RBFOX1: variants seen among roughly 807,000 people sequenced by gnomAD.
The protein encoded by RBFOX1 is RNA binding protein fox-1 homolog 1.
A neutral mutation model predicts 57.7 loss-of-function variants in RBFOX1; 8 were observed. The observed-to-expected ratio is 0.14, with a 90% CI of 0.08 to 0.25. The LOEUF (loss-of-function observed/expected upper bound fraction) is 0.25. Among genes scored for constraint, RBFOX1 ranks in the 10% least tolerant of loss-of-function variants. The pLI is 1.00. For synonymous variants in RBFOX1, 326 were observed against 222.4 expected, an observed-to-expected ratio of 1.47 and a Z score of -4.15; for missense variants, 611 against 548.5, an observed-to-expected ratio of 1.11 and a Z score of -1.14.
intron 3 of RBFOX1, among the ~76,000 whole-genome samples, chr16:6,755,438 T>A (rs2075636389): frequency 6.6e-6 from 1 of 152,246 alleles, no homozygotes; most frequent in Non-Finnish European, 1.5e-5. Flanking sequence ...TTGATTTGCA[T>A]TTCTCTGATG....
At chr16:7,474,850 T>G (rs1209281128) in intron 4 of RBFOX1, among the ~76,000 whole-genome samples, 1 of 152,244 alleles carries the variant, frequency 6.6e-6, no homozygotes, top group African/African-American at 2.4e-5. Context: ...GTGTGTTGGC[T>G]GTTACTGTGA....
At chr16:6,074,036 C>A (rs994737872) in intron 1 of RBFOX1, among the ~76,000 whole-genome samples, 3 of 152,072 alleles carry the variant, frequency 2.0e-5, no homozygotes, top group African/African-American at 7.2e-5. Context: ...GCAAGCTCCA[C>A]CTCCTGGGTC....
At chr16:7,218,807 C>G (rs1049522386) in intron 4 of RBFOX1, among the ~76,000 whole-genome samples, 1 of 151,764 alleles carries the variant, frequency 6.6e-6, no homozygotes. Flanking sequence ...CAATCAGGAA[C>G]CTGTCTAGAA....
chr16:7,448,655 A>G (rs10221098), intron 4 of RBFOX1, among the ~76,000 whole-genome samples: 76,222 of 151,930 alleles, frequency 0.5, 19,364 homozygotes, highest in Middle Eastern at 0.62. Context: ...GTAGCAAAGG[A>G]TTTGTTCTTT....
At chr16:6,536,756 T>C (rs553474708) in intron 2 of RBFOX1, among the ~76,000 whole-genome samples, 4 of 152,218 alleles carry the variant, frequency 2.6e-5, no homozygotes, top group South Asian at 2.1e-4. Context: ...TTTTAAAAGA[T>C]TAAAGAGAGA....
intron 1 of RBFOX1, among the ~76,000 whole-genome samples, chr16:5,246,015 C>T (rs1032703711): frequency 3.3e-5 from 5 of 152,154 alleles, no homozygotes; most frequent in Middle Eastern, 3.4e-3. Flanking sequence ...AGGCCGAGGC[C>T]GTCGGATCAC....
chr16:6,575,986 A>G (rs144163236), intron 2 of RBFOX1, among the ~76,000 whole-genome samples: 241 of 152,188 alleles, frequency 1.6e-3, no homozygotes, highest in African/African-American at 2.4e-3. Context: ...TCAAAAAATA[A>G]TTTTTTATTT....
intron 2 of RBFOX1, among the ~76,000 whole-genome samples, chr16:5,546,285 A>G (rs1255109528): frequency 6.6e-6 from 1 of 151,842 alleles, no homozygotes; most frequent in Non-Finnish European, 1.5e-5. Context: ...CCAGAATCTC[A>G]TCTAGGCTTT....
chr16:6,993,572 AAG>A (rs2091836827), intron 3 of RBFOX1, among the ~76,000 whole-genome samples: 1 of 152,168 alleles, frequency 6.6e-6, no homozygotes, highest in Non-Finnish European at 1.5e-5. Flanking sequence ...ATAGGGAGGC[AAG>A]AGTGGTGCTG....
chr16:7,379,097 C>G (rs1334368444), intron 4 of RBFOX1, among the ~76,000 whole-genome samples: 1 of 152,142 alleles, frequency 6.6e-6, no homozygotes, highest in African/African-American at 2.4e-5. Flanking sequence ...TCTGGCCAGT[C>G]ATAAACATTT....
Position 6,913,968 on chromosome 16 carries a change from C to G in RBFOX1, c.-15-138089C>G, listed in dbSNP as rs532667177. Among the ~76,000 whole-genome samples the G allele has an allele frequency of 3.9e-5, 6 of 152,298 alleles. No individual in the cohort carries two copies. The East Asian group carries it at 9.7e-4, about 25-fold the overall frequency. ...TATAATTATGGATGATTTATACTCC[C>G]CACCTCATGTATACATTGCACTTGA... On this transcript the variant is annotated intron_variant, in intron 3 of 15. Coordinates refer to ENST00000550418, the MANE Select transcript of RBFOX1 (RefSeq NM_018723.4).
intron 4 of RBFOX1, among the ~76,000 whole-genome samples, chr16:7,090,428 T>C (rs2060635469): frequency 6.6e-6 from 1 of 152,184 alleles, no homozygotes; most frequent in Non-Finnish European, 1.5e-5. Flanking sequence ...CATTTTAGTC[T>C]ATAAGGATGG....
intron 3 of RBFOX1, among the ~76,000 whole-genome samples, chr16:6,792,144 A>G (rs766829402): frequency 6.6e-6 from 1 of 152,176 alleles, no homozygotes; most frequent in Admixed American, 6.5e-5. Context: ...ATTGAAACAC[A>G]TAAACTATGC....
rs868144003 is a variant in RBFOX1 at position 5,403,371 on chromosome 16, A to C, written c.220-63845A>C. On this transcript the variant is annotated intron_variant, in intron 1 of 2. Transcript: ENST00000585867. ...TCTCAAAAAAAAAAAAAAAAAACAA[A>C]AAACAAACAAACAAAAAAACCCAAA... 6.5e-3 allele frequency among the ~76,000 whole-genome samples: 979 copies of C among 151,612 alleles called. 3 individuals are homozygous for C. Among genetic ancestry groups the C allele is most frequent in the Middle Eastern group, 0.017 (5 of 292 alleles).
intron 3 of RBFOX1, among the ~76,000 whole-genome samples, chr16:7,021,954 T>C (rs1406460395): frequency 7.2e-6 from 1 of 138,052 alleles, no homozygotes; most frequent in African/African-American, 2.8e-5. Flanking sequence ...TTTCTTTTCT[T>C]TCTCTCTCTC....
chr16:5,412,351 A>G (rs1248000501), intron 1 of RBFOX1, among the ~76,000 whole-genome samples: 3 of 152,172 alleles, frequency 2.0e-5, no homozygotes, highest in African/African-American at 4.8e-5. Context: ...CAAAGTAAAT[A>G]CTCAACAAAT....
chr16:7,188,210 G>A (rs1394287310), intron 4 of RBFOX1, among the ~76,000 whole-genome samples: 1 of 152,196 alleles, frequency 6.6e-6, no homozygotes, highest in East Asian at 1.9e-4. Flanking sequence ...CACTCCCTGA[G>A]CCTGTGTGCA....
At chr16:6,826,646 C>CTT (rs1567433308) in intron 3 of RBFOX1, among the ~76,000 whole-genome samples, 1 of 151,940 alleles carries the variant, frequency 6.6e-6, no homozygotes, top group East Asian at 1.9e-4. Flanking sequence ...AAAAACCTTC[C>CTT]TTTTTTTCTT....
intron 3 of RBFOX1, among the ~76,000 whole-genome samples, chr16:6,905,036 A>C (rs2153420261): frequency 6.6e-6 from 1 of 152,264 alleles, no homozygotes; most frequent in East Asian, 1.9e-4. Context: ...GGAATTTTTC[A>C]AGTTGTACAA....
Sources: gnomAD v4.1 joint callset for allele counts (sites outside exome capture counted in the v4.1 genomes callset) on GRCh38, gnomAD v4.1.1 for gene constraint, MANE v1.5 for transcripts, NCBI Gene and HGNC (gene_info 2026-07-23, HGNC 2026-07-21) for gene names.